The following MAST4 variants were observed in gnomAD, a reference collection of about 807,000 sequenced individuals.
MAST4 encodes the protein microtubule associated serine/threonine kinase family member 4.
A neutral mutation model predicts 162.7 loss-of-function variants in MAST4; 89 were observed. The observed-to-expected ratio is 0.55, with a 90% CI of 0.46 to 0.65. MAST4 has a LOEUF of 0.65. Ranked by LOEUF, MAST4 falls within the 30% of genes least tolerant of loss-of-function variation. The pLI is 0.00. For missense variants in MAST4, 3,153 were observed against 3,374.0 expected, an observed-to-expected ratio of 0.93 and a Z score of 1.62; for synonymous variants, 1,479 against 1,361.1, an observed-to-expected ratio of 1.09 and a Z score of -1.91.
intron 4 of MAST4, among the ~76,000 whole-genome samples, chr5:66,968,805 T>C (rs1258961452): frequency 6.6e-6 from 1 of 152,226 alleles, no homozygotes; most frequent in African/African-American, 2.4e-5. Flanking sequence ...ATATCAATTA[T>C]CTAGGACAAA....
intron 5 of MAST4, among the ~76,000 whole-genome samples, chr5:67,058,994 G>C (rs1287411976): frequency 6.6e-6 from 1 of 152,232 alleles, no homozygotes; most frequent in Non-Finnish European, 1.5e-5. Flanking sequence ...AGGCTCGCCT[G>C]GGTTCTCTGC....
intron 1 of MAST4, among the ~76,000 whole-genome samples, chr5:66,721,125 G>A (rs1302364517): frequency 1.3e-5 from 2 of 152,088 alleles, no homozygotes; most frequent in Admixed American, 6.6e-5. Flanking sequence ...CTCCTGCATT[G>A]TGCGTGTCCA....
chr5:67,086,753 G>T (rs1413495267), intron 5 of MAST4, among the ~76,000 whole-genome samples: 1 of 152,174 alleles, frequency 6.6e-6, no homozygotes, highest in Non-Finnish European at 1.5e-5. Context: ...CAGATGGGTG[G>T]ATGAATTCAG....
intron 4 of MAST4, among the ~76,000 whole-genome samples, chr5:66,927,270 G>C (rs767847414): frequency 4.6e-5 from 7 of 152,180 alleles, no homozygotes; most frequent in Non-Finnish European, 1.0e-4. Context: ...TGACCTTGTT[G>C]AATCCTCAGA....
intron 4 of MAST4, chr5:67,004,798 G>C: frequency 1.8e-6 from 1 of 561,824 alleles, no homozygotes. Context: ...TTAAAGGCTA[G>C]GACGGGACGG....
rs200051700 is a variant in MAST4 at position 67,121,030 on chromosome 5, C to A, written c.1673C>A (p.Ser558Tyr). 2.5e-6 allele frequency: 4 copies of A among 1,610,438 alleles called. No homozygotes were observed. The Admixed American group carries it at 5.0e-5, about 20-fold the overall frequency. ...TDESVSSSNA[S>Y]LKLRRKPRES... ...TTTGTTTCCAAGAGCTCTAATGCCT[C>A]CCTGAAACTTCGAAGGAAACCTCGG... The change falls in exon 14 of 29, where the codon TCC (serine) becomes TAC (tyrosine). Residue 558 changes from serine (S) to tyrosine (Y), a missense_variant. Physicochemically the swap from Ser to Tyr is moderately radical, Grantham distance 144 (BLOSUM62 -2). Transcript: ENST00000403625.
chr5:66,843,580 CG>C (rs1758579803), intron 3 of MAST4, among the ~76,000 whole-genome samples: 1 of 152,030 alleles, frequency 6.6e-6, no homozygotes. Context: ...GCTGAGTATC[CG>C]GCATTAAGTT....
intron 1 of MAST4, among the ~76,000 whole-genome samples, chr5:66,717,023 C>T (rs867632272): frequency 2.0e-5 from 3 of 152,314 alleles, no homozygotes; most frequent in African/African-American, 4.8e-5. Context: ...ACCAGCGCTT[C>T]TGATCCCAGG....
At chr5:67,114,454 A>G (rs1406403660) in intron 12 of MAST4, 9 of 448,840 alleles carry the variant, frequency 2.0e-5, no homozygotes, top group Admixed American at 1.7e-4. Context: ...TTGACATCCT[A>G]GAAGCATGTC....
At chr5:67,043,436 A>T (rs1396918902) in intron 4 of MAST4, among the ~76,000 whole-genome samples, 1 of 152,232 alleles carries the variant, frequency 6.6e-6, no homozygotes, top group African/African-American at 2.4e-5. Flanking sequence ...AAAAAAGTTA[A>T]TAGTAAAATT....
intron 4 of MAST4, among the ~76,000 whole-genome samples, chr5:67,046,986 T>C (rs1173304731): frequency 1.3e-5 from 2 of 152,206 alleles, no homozygotes; most frequent in Admixed American, 1.3e-4. Flanking sequence ...TGGAAAAGCC[T>C]GAGGCACTCA....
chr5:66,954,572 A>T (rs1388619148), intron 4 of MAST4, among the ~76,000 whole-genome samples: 2 of 152,210 alleles, frequency 1.3e-5, no homozygotes, highest in Admixed American at 1.3e-4. Flanking sequence ...AAGACAGACA[A>T]TAAATAAATA....
In MAST4 at chr5:66,857,465, C is replaced by T. The variant is rs111266600; in HGVS notation, c.643-42486C>T. On this transcript the variant is annotated intron_variant, in intron 3 of 28. Coordinates refer to ENST00000403625, the MANE Select transcript of MAST4 (RefSeq NM_001164664.2). The stretch of plus-strand genomic sequence containing the variant: ...GTTCTATAGTATACACATTTTTAAC[C>T]TTAATGGATATTGCAGTAAACTTGT... Among the ~76,000 whole-genome samples the T allele has an allele frequency of 6.1e-3, 929 of 152,292 alleles. 11 individuals are homozygous for T. The highest frequency in any genetic ancestry group is 0.021 in the African/African-American group (882 of 41,562).
At chr5:66,712,850 C>G (rs972357357) in intron 1 of MAST4, among the ~76,000 whole-genome samples, 1 of 152,172 alleles carries the variant, frequency 6.6e-6, no homozygotes, top group Admixed American at 6.5e-5. Flanking sequence ...GAATTTGCTC[C>G]TATTTGGTTT....
At chr5:66,733,914 T>A (rs1191789300) in intron 1 of MAST4, among the ~76,000 whole-genome samples, 1 of 152,236 alleles carries the variant, frequency 6.6e-6, no homozygotes, top group East Asian at 1.9e-4. Context: ...TGCAGTTAAA[T>A]AATTTTGAAA....
At chr5:66,933,965 T>C (rs1742446414) in intron 4 of MAST4, among the ~76,000 whole-genome samples, 1 of 152,190 alleles carries the variant, frequency 6.6e-6, no homozygotes, top group South Asian at 2.1e-4. Context: ...TAGCTGAGAT[T>C]ACAGGCATGA....
At chr5:67,115,889 A>G (rs1766845729) in intron 12 of MAST4, among the ~76,000 whole-genome samples, 2 of 149,312 alleles carry the variant, frequency 1.3e-5, no homozygotes, top group Non-Finnish European at 3.0e-5. Context: ...TTTTTTTTTT[A>G]TGAAAATAGT....
chr5:66,932,369 A>G (rs1238508467), intron 4 of MAST4, among the ~76,000 whole-genome samples: 1 of 152,206 alleles, frequency 6.6e-6, no homozygotes, highest in Non-Finnish European at 1.5e-5. Context: ...CTTCAGTTTC[A>G]TTAGTTTATT....
intron 5 of MAST4, among the ~76,000 whole-genome samples, chr5:67,064,911 A>G (rs1760050972): frequency 1.3e-5 from 2 of 152,248 alleles, no homozygotes; most frequent in African/African-American, 4.8e-5. Context: ...TTTTAGTATC[A>G]AATTTTGTCA....
Sources: gnomAD v4.1 joint callset for allele counts (sites outside exome capture counted in the v4.1 genomes callset) on GRCh38, gnomAD v4.1.1 for gene constraint, MANE v1.5 for transcripts, NCBI Gene and HGNC (gene_info 2026-07-23, HGNC 2026-07-21) for gene names.